FOLH1: variants seen among roughly 807,000 people sequenced by gnomAD.
The protein encoded by FOLH1 is folate hydrolase 1, also known as glutamate carboxypeptidase 2.
FOLH1 carries 54 observed loss-of-function variants against 93.9 expected under a neutral mutation model. The ratio of observed to expected loss-of-function variants is 0.57; its 90% CI spans 0.46 to 0.72. The LOEUF (loss-of-function observed/expected upper bound fraction) is 0.72. Ranked by LOEUF, FOLH1 falls within the 30% of genes least tolerant of loss-of-function variation. FOLH1 has a pLI of 0.00. For synonymous variants in FOLH1, 249 were observed against 303.6 expected (o/e 0.82, Z 1.87); for missense variants, 571 against 892.5 (o/e 0.64, Z 4.59).
Position 49,207,978 on chromosome 11 carries a change from CAA to C in FOLH1, c.118+312_118+313del, listed in dbSNP as rs909043968. 8.7e-5 allele frequency: 38 copies of C among 436,970 alleles called. No individual in the cohort carries two copies. In the Middle Eastern group the frequency reaches 1.1e-3, roughly 13 times the overall value. The allele number at this position is 436,970 out of a possible 1,614,324, so 27.1% of individuals were successfully genotyped here. A position where few individuals can be genotyped will look rare whatever the true frequency, so the allele number is the denominator to read the frequency against. ...AAAACAAAACAAAACAAAACAAAAG[CAA>C]AAAAAAAACTTCCTCTGTCTTGCAG... On this transcript the variant is annotated intron_variant, in intron 1 of 18. Coordinates refer to ENST00000256999, the MANE Select transcript of FOLH1 (RefSeq NM_004476.3).
chr11:49,200,625 T>C (rs1392146960), intron 2 of FOLH1, among the ~76,000 whole-genome samples, 184 bp from the exon 3 acceptor site: 3 of 152,194 alleles, frequency 2.0e-5, no homozygotes, highest in African/African-American at 4.8e-5. Context: ...ATGCTCTAAT[T>C]TGTACTAAAT....
rs1859923409 is a variant in FOLH1 at position 49,175,753 on chromosome 11, T to C, written c.1019+106A>G. The C allele has an allele frequency of 4.2e-6, 4 of 945,630 alleles. No homozygotes were observed. The South Asian group carries it at 5.5e-5, about 13-fold the overall frequency. 58.6% of individuals were successfully genotyped at this position (945,630 alleles called of 1,614,324 possible). On this transcript the variant is annotated intron_variant, in intron 8 of 18. Transcript: ENST00000256999. ...ACACTGGTTCTAACTTGCAGTTTTGTTTCCTGCTGGTATTACATAAATTTT... is the reference window on the plus strand; with the variant it reads ...ACACTGGTTCTAACTTGCAGTTTTGCTTCCTGCTGGTATTACATAAATTTT...
intron 18 of FOLH1, 83 bp downstream of exon 18, chr11:49,148,556 A>C: frequency 9.5e-7 from 1 of 1,053,064 alleles, no homozygotes; most frequent in Non-Finnish European, 1.4e-6. Context: ...ATCAACTACA[A>C]TATTTTTTCC....
At chr11:49,170,145 A>G (rs1217294696) in intron 11 of FOLH1, among the ~76,000 whole-genome samples, 2 of 152,168 alleles carry the variant, frequency 1.3e-5, no homozygotes, top group African/African-American at 2.4e-5. Flanking sequence ...ATAAACATTG[A>G]CTTTGCATAT....
intron 17 of FOLH1, among the ~76,000 whole-genome samples, chr11:49,152,292 C>A (rs1856582793): frequency 6.6e-6 from 1 of 152,044 alleles, no homozygotes; most frequent in South Asian, 2.1e-4. Context: ...AAGAAATAAT[C>A]CAAGAAGTGG....
rs745739133 is a variant in FOLH1 at position 49,200,354 on chromosome 11, G to A, written c.312C>T (p.Gly104=). The A allele has an allele frequency of 1.2e-6, 2 of 1,613,458 alleles. No homozygotes were observed. Among genetic ancestry groups the A allele is most frequent in the South Asian group, 2.2e-5 (2 of 91,040 alleles). Residue 104 remains glycine (G), a synonymous_variant, in exon 3 of 19, where the codon GGC becomes GGT. Transcript: ENST00000256999. ...AATGTGCTAGCTCAACAGAATCCAG[G>A]CCAAATTCTTTCCACTGGGATTGAA... ...KQIQSQWKEF[G]LDSVELAHYD... is the part of the protein sequence containing the mutation.
At chr11:49,198,428 G>C (rs2135297812) in intron 3 of FOLH1, among the ~76,000 whole-genome samples, 1 of 150,936 alleles carries the variant, frequency 6.6e-6, no homozygotes, top group South Asian at 2.1e-4. Flanking sequence ...CTTGCAGTGA[G>C]CGGAGATACC....
At chr11:49,177,816 A>G (rs1860260010) in intron 7 of FOLH1, among the ~76,000 whole-genome samples, 2 of 149,754 alleles carry the variant, frequency 1.3e-5, no homozygotes, top group Non-Finnish European at 1.5e-5. Flanking sequence ...GCAAAAAATG[A>G]GCCGGGCATG....
intron 1 of FOLH1, among the ~76,000 whole-genome samples, chr11:49,207,206 G>C (rs1181064525): frequency 1.3e-5 from 2 of 152,062 alleles, no homozygotes; most frequent in African/African-American, 2.4e-5. Context: ...AGGCCTGTAG[G>C]GGGAGGGGAG....
intron 3 of FOLH1, among the ~76,000 whole-genome samples, chr11:49,193,649 A>G (rs568782693): frequency 6.6e-6 from 1 of 152,238 alleles, no homozygotes; most frequent in South Asian, 2.1e-4. Context: ...ATGTTTTTTT[A>G]AGTTTAAAAT....
chr11:49,176,247 C>A (rs1303603447), intron 7 of FOLH1, among the ~76,000 whole-genome samples: 1 of 152,092 alleles, frequency 6.6e-6, no homozygotes, highest in African/African-American at 2.4e-5. Context: ...TTACCAGTAT[C>A]TAGTAGTAAA....
chr11:49,204,192 C>G (rs1346426713), intron 2 of FOLH1, among the ~76,000 whole-genome samples: 2 of 152,182 alleles, frequency 1.3e-5, no homozygotes, highest in Non-Finnish European at 2.9e-5. Context: ...AGAAGTCCTA[C>G]GATCACAGTT....
chr11:49,194,227 G>A (rs570935797), intron 3 of FOLH1, among the ~76,000 whole-genome samples: 7 of 151,182 alleles, frequency 4.6e-5, no homozygotes, highest in African/African-American at 9.7e-5. Flanking sequence ...ATGGCTTAGC[G>A]TAAAGCAGGA....
chr11:49,169,106 A>G, intron 12 of FOLH1, 89 bp downstream of exon 12: 13 of 1,451,176 alleles, frequency 9.0e-6, no homozygotes, highest in South Asian at 5.8e-5. Flanking sequence ...ACATTAATGC[A>G]TAGCCTTCCT....
intron 13 of FOLH1, among the ~76,000 whole-genome samples, chr11:49,164,409 T>C (rs1189987757): frequency 2.0e-5 from 3 of 152,218 alleles, no homozygotes; most frequent in South Asian, 2.1e-4. Context: ...TCGGCTACCG[T>C]ACAAGTTGTG....
At chr11:49,155,835 T>TATATATATATATATAA (rs1193032047) in intron 15 of FOLH1, among the ~76,000 whole-genome samples, 7 of 121,830 alleles carry the variant, frequency 5.7e-5, no homozygotes, top group African/African-American at 1.3e-4. Flanking sequence ...TATATATATA[T>TATATATATATATATAA]AATCAACAAC....
Position 49,146,645 on chromosome 11 carries a change from A to G in FOLH1, c.*111T>C. Reference sequence around the variant, plus strand: ...AAACACTCACATAACTATATATAATATTCAACTTTATTTCAAATATACCAA... The same window carrying G: ...AAACACTCACATAACTATATATAATGTTCAACTTTATTTCAAATATACCAA... On this transcript the variant is annotated 3_prime_UTR_variant, in exon 19 of 19. Coordinates refer to ENST00000256999, the MANE Select transcript of FOLH1 (RefSeq NM_004476.3). The G allele has an allele frequency of 1.1e-6, 1 of 876,964 alleles. No individual in the cohort carries two copies. The highest frequency in any genetic ancestry group is 1.7e-6 in the Non-Finnish European group (1 of 589,490). The allele number at this position is 876,964 out of a possible 1,614,324, so 54.3% of individuals were successfully genotyped here.
chr11:49,168,295 G>C (rs1459354776), intron 12 of FOLH1, among the ~76,000 whole-genome samples: 1 of 150,018 alleles, frequency 6.7e-6, no homozygotes, highest in Non-Finnish European at 1.5e-5. Context: ...AGCAATCTGA[G>C]TGTAGAGAAC....
intron 3 of FOLH1, among the ~76,000 whole-genome samples, chr11:49,194,313 T>C (rs1422855828): frequency 1.3e-5 from 2 of 151,918 alleles, no homozygotes; most frequent in African/African-American, 4.8e-5. Flanking sequence ...AGCGAAAATA[T>C]TTATTTTAAA....
Sources: gnomAD v4.1 joint callset for allele counts (sites outside exome capture counted in the v4.1 genomes callset) on GRCh38, gnomAD v4.1.1 for gene constraint, MANE v1.5 for transcripts, NCBI Gene and HGNC (gene_info 2026-07-23, HGNC 2026-07-21) for gene names.